JAZF1: variants seen among roughly 807,000 people sequenced by gnomAD.
JAZF1 encodes the protein juxtaposed with another zinc finger protein 1.
JAZF1 carries 8 observed loss-of-function variants against 26.4 expected under a neutral mutation model. The observed-to-expected ratio is 0.30, with a 90% confidence interval of 0.18 to 0.55. The LOEUF (loss-of-function observed/expected upper bound fraction) is 0.55, where lower values mean the gene tolerates loss of function less well. JAZF1 is among the 20% of genes least tolerant of loss of function. JAZF1 has a pLI of 0.94. For missense variants in JAZF1, 199 were observed against 322.0 expected (o/e 0.62, Z 2.92); for synonymous variants, 126 against 122.3 (o/e 1.03, Z -0.20).
At chr7:27,920,742 G>C (rs1372096812) in intron 2 of JAZF1, among the ~76,000 whole-genome samples, 1 of 152,174 alleles carries the variant, frequency 6.6e-6, no homozygotes, top group Non-Finnish European at 1.5e-5. Flanking sequence ...GCCGACAACA[G>C]AGTAAGATAT....
At chr7:27,859,043 AC>A (rs1783327121) in intron 3 of JAZF1, among the ~76,000 whole-genome samples, 22 of 152,122 alleles carry the variant, frequency 1.4e-4, no homozygotes, top group Admixed American at 1.4e-3. Flanking sequence ...AAAACAAACA[AC>A]CCCATCAAAA....
At chr7:27,905,657 T>C (rs546488124) in intron 2 of JAZF1, among the ~76,000 whole-genome samples, 3 of 152,158 alleles carry the variant, frequency 2.0e-5, no homozygotes, top group Admixed American at 2.0e-4. Context: ...CCATACCTTT[T>C]TTAGTATTTA....
chr7:28,049,864 T>G (rs1333264361), intron 1 of JAZF1, among the ~76,000 whole-genome samples: 1 of 152,142 alleles, frequency 6.6e-6, no homozygotes, highest in Non-Finnish European at 1.5e-5. Flanking sequence ...TCCCAGCACC[T>G]TTCTATGTTC....
At chr7:28,017,877 G>C (rs1319480528) in intron 1 of JAZF1, among the ~76,000 whole-genome samples, 1 of 152,194 alleles carries the variant, frequency 6.6e-6, no homozygotes, top group Non-Finnish European at 1.5e-5. Flanking sequence ...GGGTTCAAGC[G>C]ATTCTTGTGT....
At chr7:27,868,232 C>T (rs1156353048) in intron 3 of JAZF1, among the ~76,000 whole-genome samples, 1 of 152,208 alleles carries the variant, frequency 6.6e-6, no homozygotes, top group Non-Finnish European at 1.5e-5. Flanking sequence ...ACGTTGCTTG[C>T]TCAACAACTT....
intron 1 of JAZF1, among the ~76,000 whole-genome samples, chr7:28,058,368 G>A (rs921155338): frequency 6.6e-6 from 1 of 152,112 alleles, no homozygotes; most frequent in African/African-American, 2.4e-5. Flanking sequence ...ACGAAAATGA[G>A]GACAAGCCAG....
intron 1 of JAZF1, among the ~76,000 whole-genome samples, chr7:28,062,388 T>C (rs948931839): frequency 1.3e-5 from 2 of 152,170 alleles, no homozygotes; most frequent in African/African-American, 2.4e-5. Context: ...GCTGCTTCAC[T>C]GTCCTTCAGC....
intron 1 of JAZF1, among the ~76,000 whole-genome samples, chr7:28,170,711 G>T (rs1435348407): frequency 6.6e-6 from 1 of 152,066 alleles, no homozygotes; most frequent in Non-Finnish European, 1.5e-5. Flanking sequence ...CACTGCTCTT[G>T]GTGGAAATCC....
intron 2 of JAZF1, among the ~76,000 whole-genome samples, chr7:27,917,832 A>G (rs1784467555): frequency 6.6e-6 from 1 of 152,172 alleles, no homozygotes; most frequent in African/African-American, 2.4e-5. Context: ...TATTTACTCT[A>G]AGCATTGTAT....
rs561538654 is a variant in JAZF1, at chr7:28,132,152, G to C, written c.115+48311C>G. ...CAATAAGTGCTCATTTTGAAAACAT[G>C]TGAGCTATTGGTCACTTGGTTTCCA... On this transcript the variant is annotated intron_variant, in intron 1 of 4. Transcript: ENST00000283928. Among the ~76,000 whole-genome samples the C allele has an allele frequency of 9.1e-4, 138 of 152,246 alleles. 3 individuals carry two copies. In the South Asian group the frequency reaches 0.019, roughly 21 times the overall value.
At chr7:28,053,027 C>T (rs1200873006) in intron 1 of JAZF1, among the ~76,000 whole-genome samples, 1 of 152,166 alleles carries the variant, frequency 6.6e-6, no homozygotes, top group Admixed American at 6.5e-5. Context: ...TACTTTGTTG[C>T]TATGATTTTG....
chr7:28,171,165 G>A (rs1783463878), intron 1 of JAZF1, among the ~76,000 whole-genome samples: 1 of 152,158 alleles, frequency 6.6e-6, no homozygotes, highest in Non-Finnish European at 1.5e-5. Context: ...TCTGCCTCCT[G>A]TGTACCAAAT....
Position 27,832,675 on chromosome 7 carries a change from T to G in JAZF1, c.*125A>C. The G allele has an allele frequency of 1.3e-6, 1 of 746,258 alleles. No homozygotes were observed. Among genetic ancestry groups the G allele is most frequent in the Non-Finnish European group, 2.1e-6 (1 of 481,794 alleles). 46.2% of individuals were successfully genotyped at this position (746,258 alleles called of 1,614,324 possible). A position where few individuals can be genotyped will look rare whatever the true frequency, so the allele number is the denominator to read the frequency against. On this transcript the variant is annotated 3_prime_UTR_variant, in exon 5 of 5. Transcript: ENST00000283928. The stretch of plus-strand genomic sequence containing the variant: ...CATCATTCCAAAATTACAGAAAAAA[T>G]TTAAAGCATGCATTTAATTCTTTTT...
intron 1 of JAZF1, among the ~76,000 whole-genome samples, chr7:28,059,856 C>T (rs1466395374): frequency 6.6e-6 from 1 of 152,182 alleles, no homozygotes; most frequent in Non-Finnish European, 1.5e-5. Context: ...CATGTCTTTT[C>T]TCTGTGACTG....
chr7:28,098,295 C>T (rs1001182929), intron 1 of JAZF1, among the ~76,000 whole-genome samples: 9 of 152,090 alleles, frequency 5.9e-5, no homozygotes, highest in African/African-American at 2.2e-4. Context: ...AGTGAATCGG[C>T]CAGCACCTTG....
intron 2 of JAZF1, among the ~76,000 whole-genome samples, chr7:27,945,745 A>G (rs1468787743): frequency 6.6e-6 from 1 of 152,220 alleles, no homozygotes; most frequent in Non-Finnish European, 1.5e-5. Context: ...TGGTCTGGAA[A>G]TGACAGGTCT....
intron 1 of JAZF1, among the ~76,000 whole-genome samples, chr7:28,179,084 A>C (rs1228264811): frequency 6.6e-6 from 1 of 152,154 alleles, no homozygotes; most frequent in African/African-American, 2.4e-5. Flanking sequence ...TATTCTCTCA[A>C]CTTTGTAGAA....
At chr7:27,874,764 A>G (rs190384658) in intron 3 of JAZF1, among the ~76,000 whole-genome samples, 2 of 152,230 alleles carry the variant, frequency 1.3e-5, no homozygotes, top group East Asian at 1.9e-4. Flanking sequence ...ACAATGATCA[A>G]TGAGGGCTGG....
chr7:28,035,069 C>A (rs1228487194), intron 1 of JAZF1, among the ~76,000 whole-genome samples: 1 of 151,936 alleles, frequency 6.6e-6, no homozygotes, highest in Non-Finnish European at 1.5e-5. Context: ...ATAATCCCAG[C>A]ACTTTGGGAG....
Sources: allele counts gnomAD v4.1 joint callset (sites outside exome capture counted in the v4.1 genomes callset), GRCh38; gene constraint gnomAD v4.1.1; transcripts MANE v1.5; gene names NCBI Gene and HGNC (gene_info 2026-07-23, HGNC 2026-07-21).